MFRP: variants seen among roughly 807,000 people sequenced by gnomAD.
MFRP encodes membrane frizzled-related protein.
A neutral mutation model predicts 65.8 loss-of-function variants in MFRP; 74 were observed. The observed-to-expected ratio is 1.12, with a 90% CI of 0.93 to 1.36. MFRP has a LOEUF of 1.36. MFRP is among the 40% of genes most tolerant of loss of function. The pLI, the probability that MFRP is intolerant of heterozygous loss-of-function variation, is 0.00. For synonymous variants in MFRP, 336 were observed against 288.3 expected, an observed-to-expected ratio of 1.17 and a Z score of -1.68; for missense variants, 838 against 736.0, an observed-to-expected ratio of 1.14 and a Z score of -1.60.
In MFRP at chr11:119,338,970, C is replaced by T; in HGVS notation, c.*1989G>A. 4.6e-6 allele frequency: 1 copy of T among 219,568 alleles called. No individual in the cohort carries two copies. The highest frequency in any genetic ancestry group is 1.3e-4 in the South Asian group (1 of 7,572). 13.6% of individuals were successfully genotyped at this position (219,568 alleles called of 1,614,324 possible). ...GGTTCTTAGGTTTATTGAGTGATCT[C>T]TGAGAAAAGGGCCGGCCCCAGGAGC... is the stretch of plus-strand genomic sequence containing the variant. On this transcript the variant is annotated 3_prime_UTR_variant, in exon 15 of 15. Transcript: ENST00000619721.
At position 119,344,988 on chromosome 11, in the gene MFRP, G is replaced by A. The variant is rs1231533574; in HGVS notation, c.658C>T (p.Pro220Ser). 5.6e-6 allele frequency: 9 copies of A among 1,606,002 alleles called. No individual in the cohort carries two copies. Among genetic ancestry groups the A allele is most frequent in the South Asian group, 1.1e-5 (1 of 89,400 alleles). ...GCATTGGTGTTGAGCGTGGGGGGAG[G>A]CACCCTTCCACAAACCCTGCAAGAA... The part of the protein sequence containing the change: ...GPLLRVCGRV[P>S]PPTLNTNASH... The change falls in exon 6 of 15, where the codon CCT becomes TCT. Residue 220 changes from proline (P) to serine (S), a missense_variant. By Grantham distance (74) the Pro-to-Ser change is moderately conservative (BLOSUM62 -1). Transcript: ENST00000619721.
Position 119,346,125 on chromosome 11 carries a change from G to A in MFRP, c.192C>T (p.Arg64=), listed in dbSNP as rs200143181. 1 of 1,603,890 alleles carries A rather than the reference G, an allele frequency of 6.2e-7. No individual in the cohort carries two copies. Among genetic ancestry groups the A allele is most frequent in the Non-Finnish European group, 8.5e-7 (1 of 1,175,092 alleles). ...GCAGGAGGACACAGAGCCAGGAGAA[G>A]CGGCAGTCTGGCCGTAGCCCTCGAG... ...RRPRGLRPDC[R]FSWLCVLLLS... Residue 64 remains arginine (R), a synonymous_variant, in exon 3 of 15, where the codon CGC becomes CGT. Coordinates refer to ENST00000619721, the MANE Select transcript of MFRP (RefSeq NM_031433.4).
Position 119,340,399 on chromosome 11 carries a change from G to A in MFRP, c.*895C>T, listed in dbSNP as rs751853220. 20 of 1,544,612 alleles carry A rather than the reference G, an allele frequency of 1.3e-5. No individual in the cohort carries two copies. The highest frequency in any genetic ancestry group is 8.7e-7 in the Non-Finnish European group (1 of 1,146,176). Reference sequence around the variant, plus strand: ...CAGCAGGACGAGGAGTGGCCTCATAGCGCTGGCACCGGGAGCCCGGACGCC... The same window carrying A: ...CAGCAGGACGAGGAGTGGCCTCATAACGCTGGCACCGGGAGCCCGGACGCC... On this transcript the variant is annotated 3_prime_UTR_variant, in exon 14 of 15. Transcript: ENST00000619721.
At position 119,341,959 on chromosome 11, in the gene MFRP, C is replaced by T. The variant is rs1208792890; in HGVS notation, c.1413G>A (p.Val471=). The T allele has an allele frequency of 1.2e-6, 2 of 1,613,790 alleles. No individual in the cohort carries two copies. The change falls in exon 12 of 15, where the codon GTG becomes GTA. Residue 471 remains valine, a synonymous_variant. Coordinates refer to ENST00000619721, the MANE Select transcript of MFRP (RefSeq NM_031433.4). Reference sequence around the variant, plus strand: ...TGTAGCTCAGACCGAGGCACATCTCCACCTGGACAGGCTCACAGGCCAGCT... The same window carrying T: ...TGTAGCTCAGACCGAGGCACATCTCTACCTGGACAGGCTCACAGGCCAGCT... ...PPELACEPVQ[V]EMCLGLSYNT... is the part of the protein sequence containing the mutation.
At position 119,343,863 on chromosome 11, in the gene MFRP, C is replaced by T; in HGVS notation, c.1077G>A (p.Val359=). ...CTGAGCTGCTGGTCTCATACACCTC[C>T]ACGTAGTCAAACTTGCACTCGTCCT... is the stretch of plus-strand genomic sequence containing the variant. The part of the protein sequence containing the change: ...EAQDECKFDY[V]EVYETSSSGA... Residue 359 remains valine (V), a synonymous_variant, in exon 9 of 15, where the codon GTG becomes GTA. Transcript: ENST00000619721. 2 of 1,613,984 alleles carry T rather than the reference C, an allele frequency of 1.2e-6. No individual in the cohort carries two copies. Among genetic ancestry groups the T allele is most frequent in the East Asian group, 2.2e-5 (1 of 44,872 alleles).
At chr11:119,343,047 C>T in intron 9 of MFRP, 44 bp from the exon 10 acceptor site, 2 of 1,563,922 alleles carry the variant, frequency 1.3e-6, no homozygotes, top group South Asian at 1.2e-5. Context: ...CCCTGGCTGA[C>T]TGAGGGGGCA....
chr11:119,345,660 A>T, intron 4 of MFRP, 27 bp from the exon 5 acceptor site: 6 of 1,613,014 alleles, frequency 3.7e-6, no homozygotes, highest in African/African-American at 2.7e-5. Flanking sequence ...TAGAGTTCAG[A>T]GGTCAAAAGG....
intron 5 of MFRP, 49 bp from the exon 6 acceptor site, chr11:119,345,053 G>C (rs761845685): frequency 6.3e-7 from 1 of 1,581,808 alleles, no homozygotes; most frequent in African/African-American, 1.3e-5. Context: ...AGCAGGGTCA[G>C]CCAGAGAGGA....
At chr11:119,342,526 C>G in intron 11 of MFRP, 70 bp downstream of exon 11, 1 of 1,587,996 alleles carries the variant, frequency 6.3e-7, no homozygotes, top group Non-Finnish European at 8.6e-7. Context: ...GGACACTGTG[C>G]AGTACGGCAG....
chr11:119,342,542 T>A, intron 11 of MFRP, 54 bp downstream of exon 11: 1 of 1,605,524 alleles, frequency 6.2e-7, no homozygotes, highest in Non-Finnish European at 8.5e-7. Flanking sequence ...GGCAGTAGGG[T>A]TCTGTGAGGT....
chr11:119,344,521 G>T, intron 7 of MFRP, 111 bp downstream of exon 7: 1 of 1,591,018 alleles, frequency 6.3e-7, no homozygotes, highest in Non-Finnish European at 8.6e-7. Flanking sequence ...AAGAATGACT[G>T]AGCAGGAAAT....
chr11:119,344,369 G>A lies in MFRP; in HGVS notation c.921C>T (p.Gly307=), dbSNP rs767165696. The change falls in exon 8 of 15, where the codon GGC becomes GGT. Residue 307 remains glycine (G), a synonymous_variant. Transcript: ENST00000619721. ...KFSGCGGNLT[G]LQGTFSTPSY... ...TGGGAGTAGAGAAAGTGCCCTGGAG[G>A]CCAGTCAGATTCCCCCCACACCCTG... The A allele has an allele frequency of 3.1e-6, 5 of 1,613,948 alleles. No individual in the cohort carries two copies. Among genetic ancestry groups the A allele is most frequent in the South Asian group, 2.2e-5 (2 of 91,070 alleles).
chr11:119,339,861 C>T lies in MFRP; in HGVS notation c.*1111-13G>A, dbSNP rs545270548. The T allele has an allele frequency of 2.1e-6, 3 of 1,463,162 alleles. No homozygotes were observed. Among genetic ancestry groups the T allele is most frequent in the Admixed American group, 5.1e-5 (2 of 39,128 alleles). The allele number at this position is 1,463,162 out of a possible 1,614,324, so 90.6% of individuals were successfully genotyped here. On this transcript the variant is annotated splice_polypyrimidine_tract_variant and intron_variant, in intron 14 of 14. Coordinates refer to ENST00000619721, the MANE Select transcript of MFRP (RefSeq NM_031433.4). This position sits in a 1 kb window ranked among gnomAD's most constrained non-coding sequence, Gnocchi z 5.4. The stretch of plus-strand genomic sequence containing the variant: ...GGTCCCGGCAGTCCTGCGGGGTAAG[C>T]GGGGCGGCAGGGTGAGAGTAGCGGC...
intron 11 of MFRP, among the ~76,000 whole-genome samples, chr11:119,342,239 C>T (rs955227729): frequency 6.6e-5 from 10 of 152,190 alleles, no homozygotes; most frequent in Admixed American, 3.3e-4. Flanking sequence ...ATGGGGCACC[C>T]GCGTTTGCAG....
chr11:119,343,815 C>G lies in MFRP; in HGVS notation c.1124+1G>C. 1 of 1,613,852 alleles carries G rather than the reference C, an allele frequency of 6.2e-7. No individual in the cohort carries two copies. Among genetic ancestry groups the G allele is most frequent in the South Asian group, 1.1e-5 (1 of 91,066 alleles). On this transcript the variant is annotated splice_donor_variant, in intron 9 of 14. Coordinates refer to ENST00000619721, the MANE Select transcript of MFRP (RefSeq NM_031433.4). LOFTEE classifies it high-confidence loss of function. ...CCATGGCTCTTCCCTGGCTCCTGTA[C>G]CTGCCCAGGAGGCTGAAGGCCCCTG... is the stretch of plus-strand genomic sequence containing the variant.
intron 2 of MFRP, 27 bp downstream of exon 2, chr11:119,346,245 C>T (rs1246010383): frequency 1.9e-6 from 3 of 1,585,308 alleles, no homozygotes; most frequent in Admixed American, 3.6e-5. Context: ...CTCTGTCCTC[C>T]CCCAGGTCAC....
Position 119,345,486 on chromosome 11 carries a change from T to C in MFRP, c.575A>G (p.Glu192Gly). Residue 192 changes from glutamate to glycine, a missense_variant, in exon 5 of 15, where the codon GAG becomes GGG. By Grantham distance (98) the Glu-to-Gly change is moderately conservative. Coordinates refer to ENST00000619721, the MANE Select transcript of MFRP (RefSeq NM_031433.4). ...ATCAAAAAGGCAAGAGGCCACACTC[T>C]CTATGCTGAGGGCTTCGATCTTGAG... The part of the protein sequence containing the change: ...IQLKIEALSI[E>G]SVASCLFDRL... The C allele has an allele frequency of 3.1e-6, 5 of 1,614,104 alleles. No homozygotes were observed. Among genetic ancestry groups the C allele is most frequent in the Non-Finnish European group, 3.4e-6 (4 of 1,180,040 alleles).
rs1950542252 is a variant in MFRP, at chr11:119,344,753, G to A, written c.777C>T (p.Ser259=). 6.2e-7 allele frequency: 1 copy of A among 1,613,876 alleles called. No individual in the cohort carries two copies. The highest frequency in any genetic ancestry group is 1.3e-5 in the African/African-American group (1 of 74,954). ...CACAGCGGAACTCATCATGGGCACA[G>A]CTCCCTGGATGTGGGCACCAGGAGT... The part of the protein sequence containing the change: ...WYQAMAPGRG[S]CAHDEFRCDQ... The change falls in exon 7 of 15, where the codon AGC becomes AGT. Residue 259 remains serine, a synonymous_variant. Coordinates refer to ENST00000619721, the MANE Select transcript of MFRP (RefSeq NM_031433.4).
Position 119,340,239 on chromosome 11 carries a change from G to A in MFRP, c.*1055C>T, listed in dbSNP as rs1950488019. ...GAGCCCCGGGCGCGCCGTCGCGGCC[G>A]TCGCGGCCATCGCGGCCCGGCAAGC... On this transcript the variant is annotated 3_prime_UTR_variant, in exon 14 of 15. Coordinates refer to ENST00000619721, the MANE Select transcript of MFRP (RefSeq NM_031433.4). 1 of 1,514,112 alleles carries A rather than the reference G, an allele frequency of 6.6e-7. No individual in the cohort carries two copies. Among genetic ancestry groups the A allele is most frequent in the Admixed American group, 2.1e-5 (1 of 46,606 alleles). The allele number at this position is 1,514,112 out of a possible 1,614,324, so 93.8% of individuals were successfully genotyped here. A position where few individuals can be genotyped will look rare whatever the true frequency, so the allele number is the denominator to read the frequency against.
Sources: gnomAD v4.1 joint callset for allele counts (sites outside exome capture counted in the v4.1 genomes callset) on GRCh38, gnomAD v4.1.1 for gene constraint, Gnocchi (gnomAD v3.1) non-coding constraint, MANE v1.5 for transcripts, NCBI Gene and HGNC (gene_info 2026-07-23, HGNC 2026-07-21) for gene names.